The following TTC7B variants were observed in gnomAD, a reference collection of about 807,000 sequenced individuals.
The protein encoded by TTC7B is tetratricopeptide repeat domain 7B.
Under a neutral mutation model 106.8 loss-of-function variants are expected in TTC7B, and 28 were observed. That is an observed-to-expected ratio of 0.26 (90% confidence interval 0.19 to 0.36). TTC7B has a LOEUF of 0.36. Among genes scored for constraint, TTC7B ranks in the 10% least tolerant of loss-of-function variants. The pLI, the probability that TTC7B is intolerant of heterozygous loss-of-function variation, is 1.00. For synonymous variants in TTC7B, 405 were observed against 430.6 expected (o/e 0.94, Z 0.74); for missense variants, 862 against 1,076.4 (o/e 0.80, Z 2.79).
At chr14:90,603,164 C>T in intron 17 of TTC7B, 2 of 909,490 alleles carry the variant, frequency 2.2e-6, no homozygotes, top group Non-Finnish European at 3.1e-6. Flanking sequence ...GCATTCTCAG[C>T]ACTCAACAAC....
chr14:90,674,363 T>C (rs1032039352), intron 9 of TTC7B, among the ~76,000 whole-genome samples: 3 of 152,246 alleles, frequency 2.0e-5, no homozygotes, highest in Non-Finnish European at 2.9e-5. Context: ...GCTTTCATCT[T>C]TCTCCTACAA....
chr14:90,695,672 G>A (rs1887717736), intron 5 of TTC7B, 94 bp from the exon 6 acceptor site: 3 of 704,652 alleles, frequency 4.3e-6, no homozygotes, highest in Non-Finnish European at 4.3e-6. Context: ...CTGCATAAAA[G>A]CTGTTGGCTA....
At chr14:90,622,832 C>G (rs1215647788) in intron 15 of TTC7B, among the ~76,000 whole-genome samples, 1 of 152,140 alleles carries the variant, frequency 6.6e-6, no homozygotes, top group Admixed American at 6.5e-5. Context: ...CAATCTAACT[C>G]CATTACTGAT....
intron 17 of TTC7B, among the ~76,000 whole-genome samples, chr14:90,602,366 T>C (rs537944658): frequency 2.6e-5 from 4 of 152,356 alleles, no homozygotes; most frequent in African/African-American, 9.6e-5. Context: ...AGAAACATCC[T>C]TTGGCAGATG....
At chr14:90,605,643 T>G in intron 17 of TTC7B, 1 of 1,289,028 alleles carries the variant, frequency 7.8e-7, no homozygotes, top group Non-Finnish European at 1.0e-6. Flanking sequence ...ATGAATGAGC[T>G]GCAGGGGGCC....
rs1891205513 is a variant in TTC7B, at chr14:90,575,075, A to C, written c.2310+3031T>G. On this transcript the variant is annotated intron_variant, in intron 19 of 19. Transcript: ENST00000328459. This position sits in a 1 kb window ranked among gnomAD's most constrained non-coding sequence, Gnocchi z 5.2. ...CTCTGTTTCCGCCACTCTCCGCCAC[A>C]CAGGTCGGGGCCCTGCCTCCTCCCT... is the stretch of plus-strand genomic sequence containing the variant. Among the ~76,000 whole-genome samples, 1 of 152,074 alleles carries C rather than the reference A, an allele frequency of 6.6e-6. No individual in the cohort carries two copies. Among genetic ancestry groups the C allele is most frequent in the African/African-American group, 2.4e-5 (1 of 41,396 alleles).
In TTC7B at chr14:90,570,256, C is replaced by T. The variant is rs566465233; in HGVS notation, c.2310+7850G>A. ...AATCAGCCTGACCAAGCCTCGTGAT[C>T]TCATGTCAAATCACATGGCTGCATC... On this transcript the variant is annotated intron_variant, in intron 19 of 19. Transcript: ENST00000328459. The surrounding 1 kb of genome is among the most constrained non-coding windows in gnomAD (Gnocchi z 4.0). Among the ~76,000 whole-genome samples, 146 of 152,328 alleles carry T rather than the reference C, an allele frequency of 9.6e-4. No homozygotes were observed. The highest frequency in any genetic ancestry group is 6.6e-3 in the South Asian group (32 of 4,824).
chr14:90,747,988 T>A (rs1360357666), intron 3 of TTC7B, among the ~76,000 whole-genome samples: 1 of 152,200 alleles, frequency 6.6e-6, no homozygotes, highest in Non-Finnish European at 1.5e-5. Flanking sequence ...CCTTTACTTT[T>A]AATCTATACT....
intron 6 of TTC7B, among the ~76,000 whole-genome samples, chr14:90,693,397 T>C (rs1887550274): frequency 6.6e-6 from 1 of 152,220 alleles, no homozygotes; most frequent in South Asian, 2.1e-4. Context: ...CTATGTTGTA[T>C]ATTTTTCTTC....
rs1379829838 is a variant in TTC7B at position 90,780,850 on chromosome 14, A to G, written c.333T>C (p.Gly111=). Residue 111 remains glycine (G), a synonymous_variant, in exon 3 of 20, where the codon GGT becomes GGC. Transcript: ENST00000328459. ...AAATGTTCAGAGCTTCTTTATAATC[A>G]CCTTCCACATAATTCAACTTGGCCA... The part of the protein sequence containing the change: ...LIMAKLNYVE[G]DYKEALNIYA... 1 of 1,614,190 alleles carries G rather than the reference A, an allele frequency of 6.2e-7. No individual in the cohort carries two copies. The highest frequency in any genetic ancestry group is 8.5e-7 in the Non-Finnish European group (1 of 1,180,008).
chr14:90,795,573 C>T (rs970080138), intron 1 of TTC7B, among the ~76,000 whole-genome samples: 1 of 152,180 alleles, frequency 6.6e-6, no homozygotes, highest in African/African-American at 2.4e-5. Context: ...CTCCCTTGCT[C>T]GCTAGCCGTG....
Position 90,642,259 on chromosome 14 carries a change from A to G in TTC7B, c.1751+1789T>C, listed in dbSNP as rs144565532. On this transcript the variant is annotated intron_variant, in intron 15 of 19. Coordinates refer to ENST00000328459, the MANE Select transcript of TTC7B (RefSeq NM_001010854.2). ...TCTCTAGTCAGAGGTTTCCTGGATT[A>G]TAACAAGAATTCTCTCGATGGGAAG... 8.1e-3 allele frequency among the ~76,000 whole-genome samples: 1,237 copies of G among 152,350 alleles called. 7 individuals are homozygous for G. Among genetic ancestry groups the G allele is most frequent in the Non-Finnish European group, 0.013 (883 of 68,028 alleles).
chr14:90,657,117 G>T lies in TTC7B; in HGVS notation c.1341+57C>A. 3 of 1,407,794 alleles carry T rather than the reference G, an allele frequency of 2.1e-6. No individual in the cohort carries two copies. The highest frequency in any genetic ancestry group is 2.0e-6 in the Non-Finnish European group (2 of 1,005,934). 87.2% of individuals were successfully genotyped at this position (1,407,794 alleles called of 1,614,324 possible). On this transcript the variant is annotated intron_variant, in intron 11 of 19. Coordinates refer to ENST00000328459, the MANE Select transcript of TTC7B (RefSeq NM_001010854.2). This position sits in a 1 kb window ranked among gnomAD's most constrained non-coding sequence, Gnocchi z 4.2. ...CTCTGTGCCTCGACATGAAAAAAATGGGCAGTCCTGGCCCAGAGTCCTCTG... is the reference window on the plus strand; with the variant it reads ...CTCTGTGCCTCGACATGAAAAAAATTGGCAGTCCTGGCCCAGAGTCCTCTG...
chr14:90,664,516 C>A (rs1247459240), intron 9 of TTC7B, among the ~76,000 whole-genome samples: 1 of 152,176 alleles, frequency 6.6e-6, no homozygotes, highest in Non-Finnish European at 1.5e-5. Context: ...GGCAATCCGC[C>A]CGCCTCGGCC....
In TTC7B at chr14:90,530,371, C is replaced by T. The variant is rs1009803077; in HGVS notation, c.*10997G>A. 2 of 152,130 alleles carry T rather than the reference C, an allele frequency of 1.3e-5. No homozygotes were observed. The highest frequency in any genetic ancestry group is 2.4e-5 in the African/African-American group (1 of 41,418). The allele number at this position is 152,130 out of a possible 1,614,324, so 9.4% of individuals were successfully genotyped here. On this transcript the variant is annotated 3_prime_UTR_variant, in exon 20 of 20. Coordinates refer to ENST00000328459, the MANE Select transcript of TTC7B (RefSeq NM_001010854.2). The stretch of plus-strand genomic sequence containing the variant: ...AGTGGAATTTAATGATCTTAGTCTT[C>T]GTATGTCTGAAATTGTCCCCAAGGT...
intron 13 of TTC7B, chr14:90,647,228 G>A (rs920602107): frequency 3.0e-5 from 16 of 540,882 alleles, no homozygotes; most frequent in Non-Finnish European, 3.3e-6. Flanking sequence ...GTACAGAATA[G>A]GAGTGCATTT....
intron 1 of TTC7B, among the ~76,000 whole-genome samples, chr14:90,787,498 A>G (rs1297657205): frequency 6.6e-6 from 1 of 152,220 alleles, no homozygotes; most frequent in Admixed American, 6.5e-5. Context: ...GGGGACCTCA[A>G]CTGGGGTTGG....
At chr14:90,662,775 A>C (rs1566824975) in intron 9 of TTC7B, among the ~76,000 whole-genome samples, 1 of 152,238 alleles carries the variant, frequency 6.6e-6, no homozygotes, top group Non-Finnish European at 1.5e-5. Context: ...TGAGTACTAA[A>C]CAAAAGTTAG....
intron 2 of TTC7B, among the ~76,000 whole-genome samples, chr14:90,782,971 A>G (rs550334485): frequency 6.0e-4 from 91 of 152,318 alleles, no homozygotes; most frequent in African/African-American, 2.1e-3. Context: ...TAACAAAAGC[A>G]AACTGGAGAG....
Sources: gnomAD v4.1 joint callset for allele counts (sites outside exome capture counted in the v4.1 genomes callset) on GRCh38, gnomAD v4.1.1 for gene constraint, Gnocchi (gnomAD v3.1) non-coding constraint, MANE v1.5 for transcripts, NCBI Gene and HGNC (gene_info 2026-07-23, HGNC 2026-07-21) for gene names.